Variants in LRRC4C observed in about 807,000 individuals in gnomAD.
LRRC4C encodes leucine rich repeat containing 4C, also known as leucine-rich repeat-containing protein 4C.
LRRC4C carries 5 observed loss-of-function variants against 33.6 expected under a neutral mutation model. That is an observed-to-expected ratio of 0.15 (90% CI 0.08 to 0.31). The LOEUF is 0.31. Among genes scored for constraint, LRRC4C ranks in the 10% least tolerant of loss-of-function variants. The pLI is 1.00. For synonymous variants in LRRC4C, 329 were observed against 302.0 expected (o/e 1.09, Z -0.93); for missense variants, 560 against 796.7 (o/e 0.70, Z 3.58).
chr11:40,966,872 T>C (rs1851399504), intron 1 of LRRC4C, among the ~76,000 whole-genome samples: 1 of 152,022 alleles, frequency 6.6e-6, no homozygotes, highest in African/African-American at 2.4e-5. Context: ...TTATTGCTGA[T>C]GAATGTGAGT....
At chr11:40,560,045 G>A (rs1957487654) in intron 3 of LRRC4C, among the ~76,000 whole-genome samples, 1 of 152,084 alleles carries the variant, frequency 6.6e-6, no homozygotes, top group African/African-American at 2.4e-5. Context: ...CCCCAGTTAA[G>A]AGCCCATTTT....
intron 1 of LRRC4C, among the ~76,000 whole-genome samples, chr11:41,226,704 T>A (rs1357971051): frequency 1.3e-5 from 2 of 150,002 alleles, no homozygotes; most frequent in Non-Finnish European, 3.0e-5. Flanking sequence ...TTGCTACTGG[T>A]CCATTCAGCC....
intron 1 of LRRC4C, among the ~76,000 whole-genome samples, chr11:41,280,213 G>A (rs140692213): frequency 2.4e-4 from 37 of 152,260 alleles, no homozygotes; most frequent in African/African-American, 4.6e-4. Context: ...TTCTGAGAGC[G>A]TTGGAGACTT....
chr11:40,707,931 T>C (rs1364782569), intron 2 of LRRC4C, among the ~76,000 whole-genome samples: 1 of 152,214 alleles, frequency 6.6e-6, no homozygotes, highest in Non-Finnish European at 1.5e-5. Context: ...CTTCCTGTTT[T>C]AGTCTTGGGA....
chr11:40,869,849 A>T (rs1368641219), intron 2 of LRRC4C, among the ~76,000 whole-genome samples: 1 of 152,144 alleles, frequency 6.6e-6, no homozygotes, highest in African/African-American at 2.4e-5. Context: ...CCTTTGTGTT[A>T]TTCCTGCTCT....
intron 3 of LRRC4C, among the ~76,000 whole-genome samples, chr11:40,327,214 T>A (rs935145712): frequency 1.3e-5 from 2 of 152,214 alleles, no homozygotes; most frequent in African/African-American, 4.8e-5. Context: ...TGAGGAGCCA[T>A]GCAGAAATCT....
intron 2 of LRRC4C, among the ~76,000 whole-genome samples, chr11:40,705,870 G>T (rs1328225613): frequency 1.3e-5 from 2 of 152,010 alleles, no homozygotes; most frequent in Non-Finnish European, 2.9e-5. Flanking sequence ...AGCACCTGTT[G>T]TTTCCTGACT....
intron 2 of LRRC4C, among the ~76,000 whole-genome samples, chr11:40,774,094 T>A (rs969070932): frequency 2.0e-5 from 3 of 152,132 alleles, no homozygotes; most frequent in Non-Finnish European, 1.5e-5. Context: ...TTTCTATAAA[T>A]AGAATCACAG....
At chr11:40,525,560 GA>G (rs773668226) in intron 3 of LRRC4C, among the ~76,000 whole-genome samples, 6 of 151,876 alleles carry the variant, frequency 4.0e-5, no homozygotes, top group Non-Finnish European at 5.9e-5. Context: ...AAGGAAAAAA[GA>G]AAAAAATCTC....
chr11:40,600,260 C>A (rs1959847593), intron 3 of LRRC4C, among the ~76,000 whole-genome samples: 1 of 152,116 alleles, frequency 6.6e-6, no homozygotes, highest in African/African-American at 2.4e-5. Flanking sequence ...CATTTAGAAC[C>A]ATTGTCTTGC....
At chr11:40,502,005 C>T (rs1954798279) in intron 3 of LRRC4C, among the ~76,000 whole-genome samples, 1 of 152,272 alleles carries the variant, frequency 6.6e-6, no homozygotes, top group African/African-American at 2.4e-5. Flanking sequence ...CTGCCAGATA[C>T]CCTAAATCAT....
chr11:40,751,630 T>A (rs1355185755), intron 2 of LRRC4C, among the ~76,000 whole-genome samples: 1 of 152,050 alleles, frequency 6.6e-6, no homozygotes, highest in Non-Finnish European at 1.5e-5. Flanking sequence ...ACACATCCCA[T>A]GCTCATGAAT....
chr11:40,723,786 A>C (rs999109015), intron 2 of LRRC4C, among the ~76,000 whole-genome samples: 2 of 152,208 alleles, frequency 1.3e-5, no homozygotes, highest in African/African-American at 2.4e-5. Context: ...CAAATAGTCT[A>C]AACACCCACT....
At chr11:40,633,143 C>A (rs1386175500) in intron 3 of LRRC4C, among the ~76,000 whole-genome samples, 3 of 152,058 alleles carry the variant, frequency 2.0e-5, no homozygotes, top group Non-Finnish European at 4.4e-5. Context: ...AATACTGGAT[C>A]AGGGAGGGTC....
At chr11:41,157,833 T>A (rs1196766465) in intron 1 of LRRC4C, among the ~76,000 whole-genome samples, 3 of 152,092 alleles carry the variant, frequency 2.0e-5, no homozygotes, top group Non-Finnish European at 4.4e-5. Flanking sequence ...AGGCATACGA[T>A]GCAAAATAAC....
chr11:40,293,492 C>G (rs1944341845), intron 4 of LRRC4C: 1 of 151,848 alleles, frequency 6.6e-6, no homozygotes, highest in African/African-American at 2.4e-5. Flanking sequence ...CCGGTAGTGG[C>G]TCCGGGAGCG....
At chr11:40,832,345 T>C (rs903496521) in intron 2 of LRRC4C, among the ~76,000 whole-genome samples, 2 of 152,182 alleles carry the variant, frequency 1.3e-5, no homozygotes, top group Admixed American at 6.6e-5. Flanking sequence ...ATATGATAGG[T>C]TAATCATCTA....
intron 2 of LRRC4C, among the ~76,000 whole-genome samples, chr11:40,715,983 C>T (rs116866056): frequency 0.012 from 1,809 of 151,706 alleles, 20 homozygotes; most frequent in Middle Eastern, 0.038. Flanking sequence ...TGCACTGAGC[C>T]GAGATTGCAC....
At chr11:41,420,711 T>C (rs1393527937) in intron 1 of LRRC4C, among the ~76,000 whole-genome samples, 1 of 151,942 alleles carries the variant, frequency 6.6e-6, no homozygotes, top group African/African-American at 2.4e-5. Flanking sequence ...CCCCACTAAT[T>C]ACAAGCTGGT....
Sources: gnomAD v4.1 joint callset for allele counts (sites outside exome capture counted in the v4.1 genomes callset) on GRCh38, gnomAD v4.1.1 for gene constraint, MANE v1.5 for transcripts, NCBI Gene and HGNC (gene_info 2026-07-23, HGNC 2026-07-21) for gene names.